Variants in SP110 observed in about 807,000 individuals in gnomAD.
SP110 encodes SP110 nuclear body protein, also known as interferon-induced protein 41, 30kD.
SP110 carries 62 observed loss-of-function variants against 92.7 expected under a neutral mutation model. That is an observed-to-expected ratio of 0.67 (90% CI 0.55 to 0.83). The LOEUF (loss-of-function observed/expected upper bound fraction) is 0.83, where lower values mean the gene tolerates loss of function less well. Ranked by LOEUF, SP110 falls within the 40% of genes least tolerant of loss-of-function variation. SP110 has a pLI of 0.00. For synonymous variants in SP110, 273 were observed against 305.3 expected, an observed-to-expected ratio of 0.89 and a Z score of 1.10; for missense variants, 793 against 863.9, an observed-to-expected ratio of 0.92 and a Z score of 1.03.
chr2:230,196,212 A>G (rs1434333143), intron 10 of SP110, among the ~76,000 whole-genome samples: 1 of 152,228 alleles, frequency 6.6e-6, no homozygotes, highest in Non-Finnish European at 1.5e-5. Context: ...TTAAGAATCA[A>G]TTCTAAGGAA....
Position 230,172,945 on chromosome 2 carries a change from A to C in SP110, c.1605T>G (p.Asp535Glu). 6.2e-7 allele frequency: 1 copy of C among 1,613,816 alleles called. No individual in the cohort carries two copies. Among genetic ancestry groups the C allele is most frequent in the Non-Finnish European group, 8.5e-7 (1 of 1,179,696 alleles). ...LGELLKRKNS[D>E]ECEVCCQGGQ... ...CCCCTTGACAGCACACCTCGCATTCATCCGAGTTTTTCCGCTGCAAGGGCA... is the reference window on the plus strand; with the variant it reads ...CCCCTTGACAGCACACCTCGCATTCCTCCGAGTTTTTCCGCTGCAAGGGCA... Residue 535 changes from aspartate to glutamate, a missense_variant, in exon 15 of 19, where the codon GAT becomes GAG. Physicochemically the swap from Asp to Glu is conservative, Grantham distance 45. Transcript: ENST00000258381.
At chr2:230,176,764 A>G (rs757880122) in intron 14 of SP110, 1 of 1,611,820 alleles carries the variant, frequency 6.2e-7, no homozygotes, top group South Asian at 1.1e-5. Flanking sequence ...GTTATTCTGG[A>G]GGTTTTTCTT....
chr2:230,178,764 G>C (rs1284338012), intron 12 of SP110, among the ~76,000 whole-genome samples: 2 of 152,056 alleles, frequency 1.3e-5, no homozygotes, highest in Non-Finnish European at 2.9e-5. Context: ...CTTCTTCCTC[G>C]ATGAATAAAA....
At chr2:230,176,772 CT>C (rs1560528022) in intron 14 of SP110, 1 of 1,602,064 alleles carries the variant, frequency 6.2e-7, no homozygotes, top group African/African-American at 1.3e-5. Flanking sequence ...GGAGGTTTTT[CT>C]TTTGTAGATA....
chr2:230,178,110 A>C, intron 13 of SP110, 47 bp downstream of exon 13: 1 of 1,145,702 alleles, frequency 8.7e-7, no homozygotes, highest in Non-Finnish European at 1.3e-6. Context: ...CCTTCTAGTG[A>C]GTCCTTCATC....
Position 230,178,175 on chromosome 2 carries a change from T to C in SP110, c.1429A>G (p.Lys477Glu), listed in dbSNP as rs374631841. Residue 477 changes from lysine (K) to glutamate (E), a missense_variant, in exon 13 of 19, where the codon AAG becomes GAG. Coordinates refer to ENST00000258381, the MANE Select transcript of SP110 (RefSeq NM_080424.4). ...TCGEAKGILY[K>E]KKMKHGSSVK... ...AACTCACCGTGTTTCATTTTCTTCT[T>C]ATATAAAATCCCTTTCGCCTCACCA... 6.2e-7 allele frequency: 1 copy of C among 1,609,282 alleles called. No homozygotes were observed. The highest frequency in any genetic ancestry group is 1.3e-5 in the African/African-American group (1 of 74,934).
chr2:230,222,272 A>C (rs2045887914), upstream of SP110, among the ~76,000 whole-genome samples: 1 of 152,092 alleles, frequency 6.6e-6, no homozygotes, highest in Non-Finnish European at 1.5e-5. Flanking sequence ...ACATGGTAAT[A>C]ATGGGAAAAC....
At chr2:230,198,891 C>T (rs1296761261) in intron 10 of SP110, among the ~76,000 whole-genome samples, 2 of 152,162 alleles carry the variant, frequency 1.3e-5, no homozygotes, top group African/African-American at 2.4e-5. Context: ...AAATTACTAT[C>T]TGTGACCGGA....
At chr2:230,198,105 T>C (rs934124680) in intron 10 of SP110, among the ~76,000 whole-genome samples, 1 of 136,862 alleles carries the variant, frequency 7.3e-6, no homozygotes, top group African/African-American at 2.9e-5. Context: ...TGTAGGACAA[T>C]AGGACCCTCT....
upstream of SP110, among the ~76,000 whole-genome samples, chr2:230,221,235 C>G (rs559927986): frequency 2.0e-5 from 3 of 149,712 alleles, no homozygotes; most frequent in Admixed American, 2.0e-4. Flanking sequence ...GAGCCGAGAT[C>G]GCACCACTGC....
At position 230,186,044 on chromosome 2, in the gene SP110, A is replaced by G. The variant is rs745495326; in HGVS notation, c.1229T>C (p.Met410Thr). The G allele has an allele frequency of 2.5e-6, 4 of 1,614,080 alleles. No individual in the cohort carries two copies. The highest frequency in any genetic ancestry group is 3.4e-6 in the Non-Finnish European group (4 of 1,179,980). ...DDSTWNSEVM[M>T]RVQKARTKCA... ...TTTAGTTCTTGCCTTTTGGACCCTC[A>G]TCATGACCTCTGAGTTCCAGGTTGA... The change falls in exon 11 of 19, where the codon ATG becomes ACG. Residue 410 changes from methionine (M) to threonine (T), a missense_variant. Coordinates refer to ENST00000258381, the MANE Select transcript of SP110 (RefSeq NM_080424.4).
At chr2:230,203,864 A>G (rs1005393058) in intron 8 of SP110, among the ~76,000 whole-genome samples, 3 of 152,180 alleles carry the variant, frequency 2.0e-5, no homozygotes, top group African/African-American at 7.2e-5. Context: ...GAGTTGTTTA[A>G]TGGGTACAGG....
chr2:230,171,540 G>C (rs1019001207), intron 17 of SP110, 156 bp downstream of exon 17: 10 of 700,346 alleles, frequency 1.4e-5, no homozygotes, highest in Non-Finnish European at 2.6e-5. Context: ...CCTCTCCAGA[G>C]TGTGCAGCAA....
Position 230,170,675 on chromosome 2 carries a change from T to C in SP110, c.1974A>G (p.Ala658=), listed in dbSNP as rs200463093. The C allele has an allele frequency of 2.4e-4, 380 of 1,614,198 alleles. No homozygotes were observed. The highest frequency in any genetic ancestry group is 6.8e-4 in the Admixed American group (41 of 60,026). ...TCAGGCGCATGTCTCGCACAAACCATGCCACCGTGTACATTTCCGTAATCA... is the reference window on the plus strand; with the variant it reads ...TCAGGCGCATGTCTCGCACAAACCACGCCACCGTGTACATTTCCGTAATCA... ...ERLITEMYTV[A]WFVRDMRLMF... is the part of the protein sequence containing the mutation. The change falls in exon 18 of 19, where the codon GCA becomes GCG. Residue 658 remains alanine, a synonymous_variant. Coordinates refer to ENST00000258381, the MANE Select transcript of SP110 (RefSeq NM_080424.4).
At chr2:230,214,891 C>A in intron 3 of SP110, 59 bp downstream of exon 3, 2 of 1,456,694 alleles carry the variant, frequency 1.4e-6, no homozygotes. Flanking sequence ...TAGAAGTAAA[C>A]CCAGACTTTT....
rs34761414 is a variant in SP110 at position 230,165,895 on chromosome 2, CTTTTT to C, written c.*3224_*3228del. Among the ~76,000 whole-genome samples the C allele has an allele frequency of 1.4e-5, 2 of 138,880 alleles. No homozygotes were observed. The highest frequency in any genetic ancestry group is 3.1e-5 in the Non-Finnish European group (2 of 65,140). 91.1% of individuals were successfully genotyped at this position (138,880 alleles called of 152,430 possible). A position where few individuals can be genotyped will look rare whatever the true frequency, so the allele number is the denominator to read the frequency against. On this transcript the variant is annotated 3_prime_UTR_variant, in exon 19 of 19. Coordinates refer to ENST00000258381, the MANE Select transcript of SP110 (RefSeq NM_080424.4). ...GACAGAAATAAGACCACCTATATAA[CTTTTT>C]TTTTTTTTTTTGAAACAGAGTCTTA...
At chr2:230,197,386 G>T (rs544110607) in intron 10 of SP110, among the ~76,000 whole-genome samples, 1 of 151,038 alleles carries the variant, frequency 6.6e-6, no homozygotes, top group Non-Finnish European at 1.5e-5. Context: ...TTTTTGATGG[G>T]GTTGTTTGTT....
chr2:230,222,276 G>T (rs1217096943), upstream of SP110, among the ~76,000 whole-genome samples: 1 of 151,688 alleles, frequency 6.6e-6, no homozygotes, highest in African/African-American at 2.4e-5. Flanking sequence ...GGTAATAATG[G>T]GAAAACGTCA....
chr2:230,174,535 G>A (rs1403534410), intron 14 of SP110, among the ~76,000 whole-genome samples: 4 of 152,184 alleles, frequency 2.6e-5, no homozygotes, highest in Middle Eastern at 3.4e-3. Flanking sequence ...ATGGCCATGG[G>A]CTTCTGATAC....
Sources: gnomAD v4.1 joint callset for allele counts (sites outside exome capture counted in the v4.1 genomes callset) on GRCh38, gnomAD v4.1.1 for gene constraint, MANE v1.5 for transcripts, NCBI Gene and HGNC (gene_info 2026-07-23, HGNC 2026-07-21) for gene names.